The following PDE4D variants were observed in gnomAD, a reference collection of about 807,000 sequenced individuals.
PDE4D encodes the protein 3',5'-cyclic-AMP phosphodiesterase 4D.
A neutral mutation model predicts 87.4 loss-of-function variants in PDE4D; 24 were observed. The ratio of observed to expected loss-of-function variants is 0.27; its 90% CI spans 0.20 to 0.39. The LOEUF (loss-of-function observed/expected upper bound fraction) is 0.39, where lower values mean the gene tolerates loss of function less well. PDE4D is among the 10% of genes least tolerant of loss of function. The pLI is 1.00. For synonymous variants in PDE4D, 384 were observed against 383.2 expected (o/e 1.00, Z -0.02); for missense variants, 714 against 1,041.0 (o/e 0.69, Z 4.32).
chr5:59,751,810 G>GTTCT (rs1760525634), intron 1 of PDE4D, among the ~76,000 whole-genome samples: 1 of 152,006 alleles, frequency 6.6e-6, no homozygotes. Context: ...CTTCACTGCA[G>GTTCT]TTCTCTCCCT....
intron 5 of PDE4D, among the ~76,000 whole-genome samples, chr5:59,121,420 A>G (rs1043442908): frequency 3.3e-5 from 5 of 152,200 alleles, no homozygotes; most frequent in African/African-American, 1.2e-4. Context: ...TCAAAAGAAG[A>G]CATACAAATG....
intron 6 of PDE4D, among the ~76,000 whole-genome samples, chr5:59,011,969 T>C (rs1177764756): frequency 6.6e-6 from 1 of 152,238 alleles, no homozygotes; most frequent in Non-Finnish European, 1.5e-5. Context: ...GCAGAAACTC[T>C]ATAAGCCAGA....
chr5:59,228,890 G>T (rs535606679), intron 1 of PDE4D, among the ~76,000 whole-genome samples: 1 of 151,936 alleles, frequency 6.6e-6, no homozygotes. Flanking sequence ...TGGATTTGCA[G>T]TTCTCTTTGC....
At chr5:59,509,441 T>C (rs1332358703) in intron 1 of PDE4D, among the ~76,000 whole-genome samples, 1 of 148,512 alleles carries the variant, frequency 6.7e-6, no homozygotes, top group Admixed American at 6.7e-5. Flanking sequence ...AAAAAAATGC[T>C]GAGCAAAGAA....
At chr5:59,102,140 G>A (rs1304673289) in intron 5 of PDE4D, among the ~76,000 whole-genome samples, 1 of 142,302 alleles carries the variant, frequency 7.0e-6, no homozygotes, top group African/African-American at 2.6e-5. Context: ...AGGCTGGAGT[G>A]CAATGGTATG....
chr5:58,984,797 A>T (rs12656462), intron 11 of PDE4D, among the ~76,000 whole-genome samples: 11,162 of 152,292 alleles, frequency 0.073, 589 homozygotes, highest in Admixed American at 0.14. Flanking sequence ...GTAAAATTTA[A>T]TGCTATATTC....
intron 1 of PDE4D, among the ~76,000 whole-genome samples, chr5:60,232,953 C>G (rs1745984872): frequency 6.6e-6 from 1 of 151,558 alleles, no homozygotes; most frequent in African/African-American, 2.4e-5. Flanking sequence ...AGCAGCCATA[C>G]TACTAATAGA....
chr5:59,586,369 G>T, intron 1 of PDE4D: 1 of 1,612,534 alleles, frequency 6.2e-7, no homozygotes, highest in Non-Finnish European at 8.5e-7. Flanking sequence ...TTATTCACGT[G>T]CATCATGTTC....
chr5:59,985,594 G>C (rs1762379744), intron 3 of PDE4D, among the ~76,000 whole-genome samples: 1 of 152,102 alleles, frequency 6.6e-6, no homozygotes, highest in African/African-American at 2.4e-5. Flanking sequence ...GGTTCTTGTT[G>C]ATTGGCCATT....
chr5:59,235,305 C>T lies in PDE4D; in HGVS notation c.456-19337G>A, dbSNP rs80267893. On this transcript the variant is annotated intron_variant, in intron 1 of 14. Coordinates refer to ENST00000340635, the MANE Select transcript of PDE4D (RefSeq NM_001104631.2). The stretch of plus-strand genomic sequence containing the variant: ...CCTGGGTGAGACAAAAGAATTATTC[C>T]CAAAGGCCTTTTCCTCCTGTGCTTC... Among the ~76,000 whole-genome samples, 460 of 152,198 alleles carry T rather than the reference C, an allele frequency of 3.0e-3. 2 individuals carry two copies. The highest frequency in any genetic ancestry group is 5.0e-3 in the South Asian group (24 of 4,816).
At chr5:59,795,912 C>T (rs565402474) in intron 1 of PDE4D, among the ~76,000 whole-genome samples, 1 of 152,300 alleles carries the variant, frequency 6.6e-6, no homozygotes, top group Non-Finnish European at 1.5e-5. Flanking sequence ...CAGACACACA[C>T]ATATGCAGGA....
intron 1 of PDE4D, among the ~76,000 whole-genome samples, chr5:60,495,474 T>G (rs2150239924): frequency 6.6e-6 from 1 of 152,282 alleles, no homozygotes; most frequent in East Asian, 1.9e-4. Context: ...CCACCATGCG[T>G]CAATGTTTGT....
intron 1 of PDE4D, among the ~76,000 whole-genome samples, chr5:59,843,826 A>G (rs1743422286): frequency 6.6e-6 from 1 of 152,122 alleles, no homozygotes; most frequent in South Asian, 2.1e-4. Flanking sequence ...ACAAGAGTTC[A>G]GCCTACTTGC....
At chr5:58,990,647 T>C (rs983730136) in intron 9 of PDE4D, among the ~76,000 whole-genome samples, 157 bp downstream of exon 9, 24 of 152,178 alleles carry the variant, frequency 1.6e-4, no homozygotes, top group African/African-American at 5.3e-4. Flanking sequence ...CCTTTCTGTA[T>C]CTTTACTTGT....
intron 1 of PDE4D, among the ~76,000 whole-genome samples, chr5:59,321,392 A>T (rs758159220): frequency 5.3e-5 from 8 of 152,080 alleles, no homozygotes; most frequent in Non-Finnish European, 8.8e-5. Context: ...TTCAAGCACA[A>T]CCCCTGTGAC....
intron 1 of PDE4D, among the ~76,000 whole-genome samples, chr5:60,417,898 G>GA (rs34545833): frequency 3.0e-4 from 44 of 145,810 alleles, no homozygotes; most frequent in South Asian, 8.6e-4. Flanking sequence ...AAGAGAGAGG[G>GA]AAAAAAAAAA....
At position 59,370,295 on chromosome 5, in the gene PDE4D, C is replaced by T. The variant is rs543635540; in HGVS notation, c.456-154327G>A. On this transcript the variant is annotated intron_variant, in intron 1 of 14. Transcript: ENST00000340635. The stretch of plus-strand genomic sequence containing the variant: ...CTCTCCATTTGGGATAAAATCCAAA[C>T]TCTTTTCCATGGTTTTCAAAAGCCC... 3.7e-4 allele frequency among the ~76,000 whole-genome samples: 56 copies of T among 152,296 alleles called. 2 individuals are homozygous for T. In the South Asian group the frequency reaches 0.011, roughly 29 times the overall value.
At chr5:59,743,145 A>T (rs918505402) in intron 1 of PDE4D, among the ~76,000 whole-genome samples, 1 of 152,098 alleles carries the variant, frequency 6.6e-6, no homozygotes, top group Non-Finnish European at 1.5e-5. Flanking sequence ...CAAACCCTAA[A>T]TTTTTTCCTT....
intron 1 of PDE4D, among the ~76,000 whole-genome samples, chr5:59,824,567 G>C (rs1219243655): frequency 1.3e-5 from 2 of 152,128 alleles, no homozygotes; most frequent in Non-Finnish European, 2.9e-5. Context: ...TAAAGATTGA[G>C]TATCTATCTT....
Sources: gnomAD v4.1 joint callset for allele counts (sites outside exome capture counted in the v4.1 genomes callset) on GRCh38, gnomAD v4.1.1 for gene constraint, MANE v1.5 for transcripts, NCBI Gene and HGNC (gene_info 2026-07-23, HGNC 2026-07-21) for gene names.